Variants in PCDH15 observed in about 807,000 individuals in gnomAD.
The protein encoded by PCDH15 is protocadherin-15.
In PCDH15, 129 loss-of-function variants were observed where a neutral mutation model predicts 178.5. The observed-to-expected ratio is 0.72, with a 90% CI of 0.63 to 0.84. The LOEUF (loss-of-function observed/expected upper bound fraction) is 0.84. Ranked by LOEUF, PCDH15 falls within the 40% of genes least tolerant of loss-of-function variation. PCDH15 has a pLI of 0.00. For synonymous variants in PCDH15, 800 were observed against 732.0 expected, an observed-to-expected ratio of 1.09 and a Z score of -1.50; for missense variants, 2,230 against 2,099.9, an observed-to-expected ratio of 1.06 and a Z score of -1.21.
rs1162250218 is a variant in PCDH15, at chr10:53,802,955, C to T, written c.*3624G>A. 6.6e-6 allele frequency: 1 copy of T among 151,660 alleles called. No homozygotes were observed. Among genetic ancestry groups the T allele is most frequent in the African/African-American group, 2.4e-5 (1 of 41,324 alleles). The allele number at this position is 151,660 out of a possible 1,614,324, so 9.4% of individuals were successfully genotyped here. ...GATTTTTCAAACTATAGACAATGTT[C>T]GAATCTTCCATACATGTGCTTAACT... On this transcript the variant is annotated 3_prime_UTR_variant, in exon 38 of 38. Coordinates refer to ENST00000644397, the MANE Select transcript of PCDH15 (RefSeq NM_001384140.1).
At chr10:54,371,260 A>T (rs1250823255) in intron 4 of PCDH15, among the ~76,000 whole-genome samples, 2 of 151,868 alleles carry the variant, frequency 1.3e-5, no homozygotes, top group Non-Finnish European at 2.9e-5. Context: ...ATTAATGTAA[A>T]AATGTAATTG....
At chr10:54,479,287 C>T (rs1231771627) in intron 3 of PCDH15, among the ~76,000 whole-genome samples, 1 of 151,888 alleles carries the variant, frequency 6.6e-6, no homozygotes, top group African/African-American at 2.4e-5. Flanking sequence ...AGAGGTACCT[C>T]CTGATTTTAT....
intron 17 of PCDH15, among the ~76,000 whole-genome samples, chr10:54,067,270 G>A (rs1206019003): frequency 6.6e-6 from 1 of 152,050 alleles, no homozygotes; most frequent in Non-Finnish European, 1.5e-5. Context: ...CTGCTTGTAT[G>A]TTTGACTGTT....
At chr10:55,313,210 T>C (rs897883989) in intron 1 of PCDH15, among the ~76,000 whole-genome samples, 1 of 152,082 alleles carries the variant, frequency 6.6e-6, no homozygotes, top group South Asian at 2.1e-4. Flanking sequence ...GAGAAGATAT[T>C]GAAAAAAAAC....
At chr10:54,396,677 T>C (rs2135413667) in intron 3 of PCDH15, among the ~76,000 whole-genome samples, 1 of 152,266 alleles carries the variant, frequency 6.6e-6, no homozygotes, top group East Asian at 1.9e-4. Context: ...GGCCACTTTT[T>C]AATTCTGGAA....
At chr10:54,425,248 ATGAGTGGATTAATCCATTCG>A (rs1956126914) in intron 3 of PCDH15, among the ~76,000 whole-genome samples, 3 of 152,124 alleles carry the variant, frequency 2.0e-5, no homozygotes, top group Non-Finnish European at 4.4e-5. Context: ...TTCCTCCCTC[ATGAGTGGATTAATCCATTCG>A]TGAGTGGATT....
intron 2 of PCDH15, among the ~76,000 whole-genome samples, chr10:54,947,369 A>G (rs1189505646): frequency 6.6e-6 from 1 of 151,982 alleles, no homozygotes; most frequent in African/African-American, 2.4e-5. Context: ...GCAGATTTGT[A>G]TATCTGGTTT....
chr10:54,673,431 C>A (rs1481453009), intron 1 of PCDH15, among the ~76,000 whole-genome samples: 1 of 151,830 alleles, frequency 6.6e-6, no homozygotes, highest in African/African-American at 2.4e-5. Context: ...AAACATATAA[C>A]TTTTTTTTGT....
At chr10:54,723,564 A>G (rs1031958173) in intron 1 of PCDH15, among the ~76,000 whole-genome samples, 2 of 151,892 alleles carry the variant, frequency 1.3e-5, no homozygotes, top group African/African-American at 4.8e-5. Context: ...ATTAAACTAA[A>G]CAGCTTTTGC....
intron 1 of PCDH15, among the ~76,000 whole-genome samples, chr10:54,707,658 C>T (rs1333953467): frequency 2.0e-5 from 3 of 152,098 alleles, no homozygotes; most frequent in Non-Finnish European, 4.4e-5. Context: ...GGTCTTTCAC[C>T]AGTACCAAAA....
At chr10:55,072,642 G>A (rs990246336) in intron 2 of PCDH15, among the ~76,000 whole-genome samples, 1 of 152,044 alleles carries the variant, frequency 6.6e-6, no homozygotes, top group Admixed American at 6.6e-5. Flanking sequence ...GGACAAGACG[G>A]ATTCACAGCC....
chr10:55,275,613 T>C (rs1052239518), intron 1 of PCDH15, among the ~76,000 whole-genome samples: 2 of 151,936 alleles, frequency 1.3e-5, no homozygotes, highest in Non-Finnish European at 2.9e-5. Context: ...TTTTGTTTCA[T>C]TGAACTTTTT....
intron 3 of PCDH15, among the ~76,000 whole-genome samples, chr10:54,514,510 A>T: frequency 6.6e-6 from 1 of 152,080 alleles, no homozygotes; most frequent in South Asian, 2.1e-4. Context: ...TCCTGAAAAA[A>T]AAAATGAAAG....
chr10:54,480,644 G>A (rs2078652502), intron 3 of PCDH15, among the ~76,000 whole-genome samples: 1 of 151,952 alleles, frequency 6.6e-6, no homozygotes. Flanking sequence ...GAAAGTGGAT[G>A]CTCTTAGTTG....
intron 2 of PCDH15, among the ~76,000 whole-genome samples, chr10:54,951,439 T>C (rs1011203529): frequency 1.3e-5 from 2 of 151,910 alleles, no homozygotes; most frequent in Non-Finnish European, 2.9e-5. Flanking sequence ...ATTTTATGGA[T>C]ATAACACCAT....
intron 1 of PCDH15, among the ~76,000 whole-genome samples, chr10:55,237,420 A>G (rs528635633): frequency 1.5e-4 from 23 of 152,276 alleles, no homozygotes; most frequent in African/African-American, 4.3e-4. Flanking sequence ...AATACAAGAA[A>G]TTCTAGAATT....
At chr10:55,026,521 G>A (rs1287451059) in intron 2 of PCDH15, among the ~76,000 whole-genome samples, 2 of 151,874 alleles carry the variant, frequency 1.3e-5, no homozygotes, top group Non-Finnish European at 2.9e-5. Flanking sequence ...TAACTTATTT[G>A]GAATTCAACT....
At chr10:53,854,389 T>C (rs780513668) in intron 28 of PCDH15, among the ~76,000 whole-genome samples, 2 of 152,060 alleles carry the variant, frequency 1.3e-5, no homozygotes, top group Non-Finnish European at 2.9e-5. Flanking sequence ...TAAAAATGTT[T>C]AAGATGGTAA....
At chr10:54,971,487 A>G (rs1838929683) in intron 2 of PCDH15, among the ~76,000 whole-genome samples, 1 of 152,186 alleles carries the variant, frequency 6.6e-6, no homozygotes, top group South Asian at 2.1e-4. Flanking sequence ...AGTAAGAAAT[A>G]AATTTCTCTT....
Sources: gnomAD v4.1 joint callset for allele counts (sites outside exome capture counted in the v4.1 genomes callset) on GRCh38, gnomAD v4.1.1 for gene constraint, MANE v1.5 for transcripts, NCBI Gene and HGNC (gene_info 2026-07-23, HGNC 2026-07-21) for gene names.